The following NT5DC3 variants were observed in gnomAD, a reference collection of about 807,000 sequenced individuals.
The protein encoded by NT5DC3 is 5'-nucleotidase domain-containing protein 3.
In NT5DC3, 42 loss-of-function variants were observed where a neutral mutation model predicts 67.8. The ratio of observed to expected loss-of-function variants is 0.62; its 90% confidence interval spans 0.48 to 0.80. The LOEUF (loss-of-function observed/expected upper bound fraction) is 0.80, where lower values mean the gene tolerates loss of function less well. NT5DC3 is among the 30% of genes least tolerant of loss of function. NT5DC3 has a pLI of 0.00. For synonymous variants in NT5DC3, 237 were observed against 255.6 expected (o/e 0.93, Z 0.69); for missense variants, 570 against 696.4 (o/e 0.82, Z 2.04).
At chr12:103,767,213 T>G (rs1003890549), downstream of NT5DC3, among the ~76,000 whole-genome samples, 1 of 152,186 alleles carries the variant, frequency 6.6e-6, no homozygotes, top group African/African-American at 2.4e-5. Flanking sequence ...TAAATGAAGC[T>G]GTGGTATTCC....
chr12:103,747,559 T>C, the NT5DC3 span, among the ~76,000 whole-genome samples: 1 of 101,244 alleles, frequency 9.9e-6, no homozygotes, highest in Non-Finnish European at 2.1e-5. Context: ...GAATGCAAAC[T>C]AGGAATTGTT....
chr12:103,761,941 T>A, the NT5DC3 span, among the ~76,000 whole-genome samples: 1 of 152,118 alleles, frequency 6.6e-6, no homozygotes. Context: ...TTCCACAGCA[T>A]AGTGGTTAAG....
At chr12:103,783,306 C>A (rs61939568) in intron 12 of NT5DC3, among the ~76,000 whole-genome samples, 14,068 of 152,200 alleles carry the variant, frequency 0.092, 856 homozygotes, top group Middle Eastern at 0.15. Context: ...AGTGCCAGAA[C>A]CCAAGGCAAT....
chr12:103,763,809 C>A, the NT5DC3 span: 2 of 495,828 alleles, frequency 4.0e-6, no homozygotes, highest in Non-Finnish European at 7.2e-6. Context: ...CTTGGGTAGA[C>A]AGCAGAATCC....
intron 1 of NT5DC3, among the ~76,000 whole-genome samples, chr12:103,830,469 C>A (rs1247902443): frequency 6.6e-6 from 1 of 151,992 alleles, no homozygotes; most frequent in Non-Finnish European, 1.5e-5. Context: ...GTTTTCTCTC[C>A]CCCATTTCCC....
intron 13 of NT5DC3, among the ~76,000 whole-genome samples, chr12:103,779,489 G>A (rs1307057740): frequency 1.3e-5 from 2 of 152,136 alleles, no homozygotes; most frequent in Non-Finnish European, 2.9e-5. Flanking sequence ...ACTCTGAGAG[G>A]GAGGAGGACA....
At chr12:103,803,991 T>C (rs1260406354) in intron 4 of NT5DC3, among the ~76,000 whole-genome samples, 1 of 151,924 alleles carries the variant, frequency 6.6e-6, no homozygotes, top group Non-Finnish European at 1.5e-5. Flanking sequence ...GCCCAGGCAA[T>C]TATTTGCTGT....
intron 9 of NT5DC3, among the ~76,000 whole-genome samples, chr12:103,791,095 T>C (rs1388014761): frequency 6.6e-6 from 1 of 152,264 alleles, no homozygotes; most frequent in East Asian, 1.9e-4. Context: ...GACCTCTCAT[T>C]ATTATGAATA....
rs1370871281 is a variant in NT5DC3 at position 103,806,334 on chromosome 12, C to T, written c.512G>A (p.Gly171Glu). The T allele has an allele frequency of 1.2e-6, 2 of 1,604,300 alleles. No individual in the cohort carries two copies. Among genetic ancestry groups the T allele is most frequent in the Admixed American group, 1.7e-5 (1 of 60,022 alleles). The change falls in exon 4 of 14, where the codon GGA becomes GAA. Residue 171 changes from glycine (G) to glutamate (E), a missense_variant. Transcript: ENST00000392876. ...KIDAFHYIQL[G>E]TVYRGLSVVP... ...CTCTTACTCTTACCTGTAGACAGTT[C>T]CCAGCTGGATATAATGAAAAGCATC... is the stretch of plus-strand genomic sequence containing the variant.
intron 1 of NT5DC3, among the ~76,000 whole-genome samples, chr12:103,820,608 G>A (rs1887452283): frequency 6.6e-6 from 1 of 152,132 alleles, no homozygotes; most frequent in Non-Finnish European, 1.5e-5. Flanking sequence ...CTAGAGCTTG[G>A]CAGAGCTGTC....
chr12:103,755,819 T>A, the NT5DC3 span: 1 of 1,109,552 alleles, frequency 9.0e-7, no homozygotes, highest in Non-Finnish European at 1.3e-6. Flanking sequence ...CAGTCACAGT[T>A]AAGAGCATGG....
At chr12:103,840,900 C>T (rs1279048689) in intron 1 of NT5DC3, 49 bp downstream of exon 1, 2 of 1,167,278 alleles carry the variant, frequency 1.7e-6, no homozygotes, top group East Asian at 3.2e-5. Context: ...CCCAGCTGAG[C>T]GCGCAGGAGG....
At chr12:103,770,026 C>CA (rs1204700632), downstream of NT5DC3, among the ~76,000 whole-genome samples, 1 of 152,228 alleles carries the variant, frequency 6.6e-6, no homozygotes, top group Non-Finnish European at 1.5e-5. Context: ...AGCCACGAGG[C>CA]AGTTTCTCTA....
chr12:103,746,960 T>C, the NT5DC3 span, among the ~76,000 whole-genome samples: 4 of 149,540 alleles, frequency 2.7e-5, no homozygotes, highest in Admixed American at 6.6e-5. Context: ...TTTTTTTTTT[T>C]TTTTTTTTTT....
chr12:103,749,524 A>G, the NT5DC3 span, among the ~76,000 whole-genome samples: 2 of 151,992 alleles, frequency 1.3e-5, no homozygotes, highest in Admixed American at 1.3e-4. Flanking sequence ...ATCCTAAATA[A>G]AAGGCTTATT....
chr12:103,765,865 C>CTCAGGCACTCAA (rs1884914933), downstream of NT5DC3, among the ~76,000 whole-genome samples: 1 of 152,170 alleles, frequency 6.6e-6, no homozygotes, highest in South Asian at 2.1e-4. Flanking sequence ...ATTACACTCT[C>CTCAGGCACTCAA]TCAGGCACTC....
the NT5DC3 span, chr12:103,763,629 AG>A: frequency 5.0e-6 from 8 of 1,600,800 alleles, no homozygotes; most frequent in South Asian, 8.8e-5. Flanking sequence ...ATTCTTATCT[AG>A]GAATAGGTTC....
Position 103,793,275 on chromosome 12 carries a change from C to CA in NT5DC3, c.918-11dup. On this transcript the variant is annotated splice_polypyrimidine_tract_variant and intron_variant, in intron 8 of 13. Coordinates refer to ENST00000392876, the MANE Select transcript of NT5DC3 (RefSeq NM_001031701.3). Reference sequence around the variant, plus strand: ...ACTCATCCCTTTGTCCCTAGGGCAACAAGTCAGCCAGGTTAGTCTAACATT... The same window carrying CA: ...ACTCATCCCTTTGTCCCTAGGGCAACAAAGTCAGCCAGGTTAGTCTAACATT... 1 of 1,597,434 alleles carries CA rather than the reference C, an allele frequency of 6.3e-7. No individual in the cohort carries two copies. Among genetic ancestry groups the CA allele is most frequent in the Non-Finnish European group, 8.6e-7 (1 of 1,166,810 alleles).
chr12:103,812,938 A>G (rs1319445697), intron 2 of NT5DC3, among the ~76,000 whole-genome samples: 1 of 152,256 alleles, frequency 6.6e-6, no homozygotes. Context: ...CACTGTTACT[A>G]CGCCCATTTT....
Sources: allele counts gnomAD v4.1 joint callset (sites outside exome capture counted in the v4.1 genomes callset), GRCh38; gene constraint gnomAD v4.1.1; transcripts MANE v1.5; gene names NCBI Gene and HGNC (gene_info 2026-07-23, HGNC 2026-07-21).